Variants in TEP1 observed in about 807,000 individuals in gnomAD.
The protein encoded by TEP1 is telomerase associated protein 1, also known as telomerase protein component 1.
Under a neutral mutation model 306.3 loss-of-function variants are expected in TEP1, and 241 were observed. The observed-to-expected ratio is 0.79, with a 90% confidence interval of 0.71 to 0.88. The LOEUF is 0.88. TEP1 is among the 40% of genes least tolerant of loss of function. The probability of loss-of-function intolerance (pLI) is 0.00; values close to 1 mark genes in which losing one functional copy is unlikely to be tolerated. For missense variants in TEP1, 3,051 were observed against 3,276.1 expected (o/e 0.93, Z 1.68); for synonymous variants, 1,289 against 1,305.5 (o/e 0.99, Z 0.27).
chr14:20,383,837 G>A lies in TEP1; in HGVS notation c.3616C>T (p.Pro1206Ser), dbSNP rs758209798. Residue 1206 changes from proline to serine, a missense_variant, in exon 25 of 55, where the codon CCT becomes TCT. Coordinates refer to ENST00000262715, the MANE Select transcript of TEP1 (RefSeq NM_007110.5). Reference sequence around the variant, plus strand: ...AGAGTGAGGGCAAGACCCTGGTCAGGACGAGCCCCAGAAAAGTGGAAGAAG... The same window carrying A: ...AGAGTGAGGGCAAGACCCTGGTCAGAACGAGCCCCAGAAAAGTGGAAGAAG... ...LVFFHFSGAR[P>S]DQGLALTLLR... The A allele has an allele frequency of 2.5e-6, 4 of 1,606,226 alleles. No individual in the cohort carries two copies. Among genetic ancestry groups the A allele is most frequent in the South Asian group, 1.1e-5 (1 of 90,500 alleles).
intron 9 of TEP1, among the ~76,000 whole-genome samples, chr14:20,397,969 T>C (rs1053209270): frequency 1.3e-5 from 2 of 151,764 alleles, no homozygotes; most frequent in Admixed American, 6.6e-5. Context: ...GCCAGGCTGG[T>C]CTCAAACTCC....
chr14:20,390,110 C>G (rs113979348), intron 15 of TEP1, among the ~76,000 whole-genome samples: 7,710 of 152,184 alleles, frequency 0.051, 209 homozygotes, highest in South Asian at 0.091. Flanking sequence ...CACACCAGTA[C>G]TCCCAGCTAC....
At chr14:20,368,758 G>GTGCA (rs1555319345) in intron 54 of TEP1, 40 bp downstream of exon 54, 9 of 1,340,016 alleles carry the variant, frequency 6.7e-6, no homozygotes, top group African/African-American at 1.9e-5. Flanking sequence ...AGGTGTGCAG[G>GTGCA]CGCACGCACA....
Position 20,401,026 on chromosome 14 carries a change from T to C in TEP1, c.1507A>G (p.Ser503Gly). Residue 503 changes from serine (S) to glycine (G), a missense_variant, in exon 9 of 55, where the codon AGC becomes GGC. Physicochemically the swap from Ser to Gly is moderately conservative, Grantham distance 56. This residue lies in a region of TEP1 where 1,507 missense variants were observed against 1,550.5 expected (regional missense o/e 0.97). Transcript: ENST00000262715. ...SRPETWEREL[S>G]LRGNKASVWE... ...ACCGACGCTTTGTTCCCCCGTAGGC[T>C]CAGCTCCCGCTCCCAGGTCTCTGGC... 1 of 1,614,216 alleles carries C rather than the reference T, an allele frequency of 6.2e-7. No homozygotes were observed. The highest frequency in any genetic ancestry group is 8.5e-7 in the Non-Finnish European group (1 of 1,180,052).
intron 20 of TEP1, among the ~76,000 whole-genome samples, chr14:20,385,658 C>T (rs1877074962): frequency 6.6e-6 from 1 of 152,214 alleles, no homozygotes; most frequent in Non-Finnish European, 1.5e-5. Context: ...TAGGCGTGAG[C>T]CACTGCACCT....
In TEP1 at chr14:20,369,406, C is replaced by T. The variant is rs200220209; in HGVS notation, c.7594G>A (p.Asp2532Asn). The T allele has an allele frequency of 1.9e-6, 3 of 1,614,202 alleles. No homozygotes were observed. Among genetic ancestry groups the T allele is most frequent in the Non-Finnish European group, 2.5e-6 (3 of 1,180,030 alleles). Reference protein sequence around the residue: ...STCRESDASMDSDASMDSEPT... With the variant: ...STCRESDASMNSDASMDSEPT... ...TCACTATCCATGCTGGCATCACTAT[C>T]CATGCTGGCATCAGATTCCCTGCAG... The change falls in exon 53 of 55, where the codon GAT (aspartate) becomes AAT (asparagine). Residue 2532 changes from aspartate (D) to asparagine (N), a missense_variant. Asp to Asn is a conservative substitution (Grantham distance 23). This residue lies in a region of TEP1 where 1,540 missense variants were observed against 1,705.9 expected (regional missense o/e 0.90). Coordinates refer to ENST00000262715, the MANE Select transcript of TEP1 (RefSeq NM_007110.5).
chr14:20,373,377 C>G lies in TEP1; in HGVS notation c.6707G>C (p.Gly2236Ala), dbSNP rs1281916026. 3.1e-6 allele frequency: 5 copies of G among 1,614,026 alleles called. No homozygotes were observed. The highest frequency in any genetic ancestry group is 1.7e-5 in the Admixed American group (1 of 59,992). Residue 2236 changes from glycine (G) to alanine (A), a missense_variant, in exon 47 of 55, where the codon GGA (glycine) becomes GCA (alanine). Physicochemically the swap from Gly to Ala is moderately conservative, Grantham distance 60. This residue lies in a region of TEP1 where 1,540 missense variants were observed against 1,705.9 expected (regional missense o/e 0.90). Coordinates refer to ENST00000262715, the MANE Select transcript of TEP1 (RefSeq NM_007110.5). ...LLVCQTHTLLGHSGPVRAAAV... is the reference protein window; with the variant it reads ...LLVCQTHTLLAHSGPVRAAAV... ...AGCAGCACGGACTGGGCCGCTGTGT[C>G]CCAGGAGGGTGTGGGTTTGGCACAC...
intron 43 of TEP1, among the ~76,000 whole-genome samples, 181 bp downstream of exon 43, chr14:20,375,574 T>C (rs75239938): frequency 0.01 from 1,537 of 152,302 alleles, 30 homozygotes; most frequent in African/African-American, 0.035. Context: ...TACAGGGTGT[T>C]GTAAAGATTA....
chr14:20,383,168 C>A lies in TEP1; in HGVS notation c.4047+6G>T. The A allele has an allele frequency of 6.3e-7, 1 of 1,590,122 alleles. No homozygotes were observed. Among genetic ancestry groups the A allele is most frequent in the Non-Finnish European group, 8.6e-7 (1 of 1,168,830 alleles). On this transcript the variant is annotated splice_donor_region_variant and intron_variant, in intron 27 of 54. Coordinates refer to ENST00000262715, the MANE Select transcript of TEP1 (RefSeq NM_007110.5). Reference sequence around the variant, plus strand: ...CACACCCACCGGCCCCGGCCTAGAACCCAACCTGGTTGTTAAATGGTGACT... The same window carrying A: ...CACACCCACCGGCCCCGGCCTAGAAACCAACCTGGTTGTTAAATGGTGACT...
intron 44 of TEP1, among the ~76,000 whole-genome samples, chr14:20,374,078 TTTTC>T (rs1885028377): frequency 6.6e-6 from 1 of 151,456 alleles, no homozygotes; most frequent in Non-Finnish European, 1.5e-5. Context: ...AAGTATCTCA[TTTTC>T]TTTTTCTCTT....
rs371127169 is a variant in TEP1, at chr14:20,381,491, G to A, written c.4558+62C>T. ...GCCAGCAGATGGGAGCACAGTGGGT[G>A]GTCCTGGCCTCCAGGCCCAAGCCCC... On this transcript the variant is annotated intron_variant, in intron 31 of 54. Transcript: ENST00000262715. This position sits in a 1 kb window ranked among gnomAD's most constrained non-coding sequence, Gnocchi z 4.0. The A allele has an allele frequency of 3.7e-6, 6 of 1,612,526 alleles. No homozygotes were observed. The highest frequency in any genetic ancestry group is 4.2e-6 in the Non-Finnish European group (5 of 1,179,942).
rs763165977 is a variant in TEP1, at chr14:20,403,319, A to T, written c.1266+58T>A. 2.0e-4 allele frequency: 320 copies of T among 1,582,398 alleles called. 1 individual carries two copies. Among genetic ancestry groups the T allele is most frequent in the Non-Finnish European group, 2.6e-4 (309 of 1,167,828 alleles). On this transcript the variant is annotated intron_variant, in intron 7 of 54. Coordinates refer to ENST00000262715, the MANE Select transcript of TEP1 (RefSeq NM_007110.5). ...AACCCTAATAGAATTTTGTTCGTAA[A>T]TATTAGTCCAGAAGAGATTGTACAT...
Position 20,369,376 on chromosome 14 carries a change from T to C in TEP1, c.7624A>G (p.Thr2542Ala), listed in dbSNP as rs1260411498. Residue 2542 changes from threonine (T) to alanine (A), a missense_variant, in exon 53 of 55, where the codon ACA (threonine) becomes GCA (alanine). By Grantham distance (58) the Thr-to-Ala change is moderately conservative. Coordinates refer to ENST00000262715, the MANE Select transcript of TEP1 (RefSeq NM_007110.5). ...CGCTGCCGTGTCTTTAGATGTGGTG[T>C]TGGCTCACTATCCATGCTGGCATCA... Reference protein sequence around the residue: ...DSDASMDSEPTPHLKTRQRRK... With the variant: ...DSDASMDSEPAPHLKTRQRRK... 1 of 1,614,086 alleles carries C rather than the reference T, an allele frequency of 6.2e-7. No homozygotes were observed. Among genetic ancestry groups the C allele is most frequent in the Admixed American group, 1.7e-5 (1 of 60,018 alleles).
In TEP1 at chr14:20,400,404, T is replaced by C. The variant is rs560600840; in HGVS notation, c.1549+580A>G. On this transcript the variant is annotated intron_variant, in intron 9 of 54. Transcript: ENST00000262715. ...AGTTTGAGACCAGCCTGGGCAACAT[T>C]ACAAAGACCTTGTCTCTAAAATTTA... 1.4e-4 allele frequency among the ~76,000 whole-genome samples: 21 copies of C among 147,508 alleles called. No homozygotes were observed. In the South Asian group the frequency reaches 4.4e-3, roughly 31 times the overall value.
chr14:20,404,825 C>A lies in TEP1; in HGVS notation c.871-53G>T, dbSNP rs181098353. On this transcript the variant is annotated intron_variant, in intron 4 of 54. Coordinates refer to ENST00000262715, the MANE Select transcript of TEP1 (RefSeq NM_007110.5). ...TCTCAGTCACTCCTCCCGTAGCTTT[C>A]TGCCCTGAAATTACTTGCTGATTGA... is the stretch of plus-strand genomic sequence containing the variant. 1.4e-5 allele frequency: 22 copies of A among 1,543,408 alleles called. No homozygotes were observed. The Admixed American group carries it at 3.7e-4, about 26-fold the overall frequency.
chr14:20,409,821 C>G (rs2139214264), intron 1 of TEP1, among the ~76,000 whole-genome samples: 1 of 151,936 alleles, frequency 6.6e-6, no homozygotes, highest in South Asian at 2.1e-4. Context: ...GAGATCGAGA[C>G]CATCCTGGCT....
chr14:20,410,579 T>C (rs1456370188), intron 1 of TEP1, among the ~76,000 whole-genome samples: 1 of 150,784 alleles, frequency 6.6e-6, no homozygotes, highest in East Asian at 2.0e-4. Flanking sequence ...CCCGCCACTA[T>C]GCCCAGCTGA....
intron 1 of TEP1, among the ~76,000 whole-genome samples, chr14:20,409,856 TA>T (rs539723352): frequency 2.6e-5 from 4 of 151,232 alleles, no homozygotes; most frequent in South Asian, 2.1e-4. Flanking sequence ...CCATCTCTAC[TA>T]AAAAAATACA....
chr14:20,376,463 C>T (rs866216692), intron 41 of TEP1, among the ~76,000 whole-genome samples, 199 bp from the exon 42 acceptor site: 4 of 152,154 alleles, frequency 2.6e-5, no homozygotes, highest in Non-Finnish European at 4.4e-5. Context: ...AGGACGGGAA[C>T]GTGCGGCACT....
Sources: gnomAD v4.1 joint callset for allele counts (sites outside exome capture counted in the v4.1 genomes callset) on GRCh38, gnomAD v4.1.1 for gene constraint, gnomAD v4.1.1 regional missense constraint, Gnocchi (gnomAD v3.1) non-coding constraint, MANE v1.5 for transcripts, NCBI Gene and HGNC (gene_info 2026-07-23, HGNC 2026-07-21) for gene names.